GPC5: variants seen among roughly 807,000 people sequenced by gnomAD.
GPC5 encodes the protein glypican 5.
GPC5 carries 47 observed loss-of-function variants against 53.9 expected under a neutral mutation model. That is an observed-to-expected ratio of 0.87 (90% CI 0.69 to 1.11). The LOEUF is 1.11. GPC5 is among the 50% of genes most tolerant of loss of function. The pLI is 0.00. For missense variants in GPC5, 748 were observed against 713.1 expected (o/e 1.05, Z -0.56); for synonymous variants, 286 against 263.3 (o/e 1.09, Z -0.84).
intron 6 of GPC5, among the ~76,000 whole-genome samples, chr13:91,958,629 G>A (rs1307358206): frequency 6.6e-6 from 1 of 151,968 alleles, no homozygotes; most frequent in African/African-American, 2.4e-5. Flanking sequence ...GTTAGGACAT[G>A]AAAGAAATCT....
chr13:92,739,735 G>C (rs954801154), intron 7 of GPC5, among the ~76,000 whole-genome samples: 3 of 150,740 alleles, frequency 2.0e-5, no homozygotes, highest in South Asian at 2.1e-4. Context: ...AAAAGAGAGA[G>C]AGAGAGAGAC....
chr13:92,082,907 T>A (rs2041307849), intron 6 of GPC5, among the ~76,000 whole-genome samples: 1 of 152,180 alleles, frequency 6.6e-6, no homozygotes, highest in Non-Finnish European at 1.5e-5. Flanking sequence ...TACAGAGATG[T>A]GTCTACCTGG....
In GPC5 at chr13:92,258,930, T is replaced by C. The variant is rs532784298; in HGVS notation, c.1561+113941T>C. On this transcript the variant is annotated intron_variant, in intron 7 of 7. Coordinates refer to ENST00000377067, the MANE Select transcript of GPC5 (RefSeq NM_004466.6). ...TAAAGAGAGTTACTGCACTCCAGTC[T>C]GGGAGACCCTTGTCTCTAAAACAAA... 8.5e-4 allele frequency among the ~76,000 whole-genome samples: 130 copies of C among 152,298 alleles called. 2 individuals are homozygous for C. The Middle Eastern group carries it at 0.014, about 16-fold the overall frequency.
intron 5 of GPC5, among the ~76,000 whole-genome samples, chr13:91,847,282 A>G (rs1029856226): frequency 7.2e-5 from 11 of 151,940 alleles, no homozygotes; most frequent in African/African-American, 2.7e-4. Flanking sequence ...AATAATTACT[A>G]GATGTAGTGA....
chr13:92,626,391 A>G (rs1036841917), intron 7 of GPC5, among the ~76,000 whole-genome samples: 1 of 152,130 alleles, frequency 6.6e-6, no homozygotes, highest in African/African-American at 2.4e-5. Context: ...AGACGAACAC[A>G]GTCTAGAGGT....
At chr13:92,561,489 T>C (rs1882692503) in intron 7 of GPC5, among the ~76,000 whole-genome samples, 1 of 152,028 alleles carries the variant, frequency 6.6e-6, no homozygotes, top group African/African-American at 2.4e-5. Context: ...CCTGAACATG[T>C]TGTAAATATT....
At chr13:92,409,825 C>G (rs554314387) in intron 7 of GPC5, among the ~76,000 whole-genome samples, 1 of 152,246 alleles carries the variant, frequency 6.6e-6, no homozygotes, top group South Asian at 2.1e-4. Flanking sequence ...AATTATGATA[C>G]ATTTATGGTC....
chr13:92,527,101 G>T (rs1234807715), intron 7 of GPC5, among the ~76,000 whole-genome samples: 6 of 47,602 alleles, frequency 1.3e-4, no homozygotes, highest in African/African-American at 3.1e-4. Flanking sequence ...TGTAGGAAAA[G>T]AAAGAAAAAA....
chr13:92,364,949 T>C (rs1439015236), intron 7 of GPC5, among the ~76,000 whole-genome samples: 1 of 151,796 alleles, frequency 6.6e-6, no homozygotes, highest in Non-Finnish European at 1.5e-5. Context: ...AACTCTTTTG[T>C]ACACAGTTCA....
At chr13:92,031,792 TTA>T (rs2040849239) in intron 6 of GPC5, among the ~76,000 whole-genome samples, 3 of 105,708 alleles carry the variant, frequency 2.8e-5, no homozygotes, top group African/African-American at 8.2e-5. Context: ...ATATTACATA[TTA>T]TATATAATAT....
chr13:92,027,817 G>T (rs560715709), intron 6 of GPC5, among the ~76,000 whole-genome samples: 2 of 152,206 alleles, frequency 1.3e-5, no homozygotes, highest in African/African-American at 4.8e-5. Context: ...GGAGTAGGTG[G>T]CAGATCCAAC....
intron 7 of GPC5, among the ~76,000 whole-genome samples, chr13:92,317,291 G>C (rs1194025676): frequency 2.6e-5 from 4 of 152,012 alleles, no homozygotes; most frequent in Admixed American, 2.6e-4. Flanking sequence ...GAGGGTGTTT[G>C]TCATCAGTCT....
chr13:91,928,786 A>G (rs1228021084), intron 6 of GPC5, among the ~76,000 whole-genome samples: 2 of 152,160 alleles, frequency 1.3e-5, no homozygotes, highest in Non-Finnish European at 2.9e-5. Context: ...TCAAAAATCA[A>G]TTTTAAAATA....
intron 3 of GPC5, among the ~76,000 whole-genome samples, chr13:91,703,820 C>T (rs1298010935): frequency 6.6e-6 from 1 of 152,122 alleles, no homozygotes; most frequent in Non-Finnish European, 1.5e-5. Context: ...CATTCAATTT[C>T]CTTAATCCTT....
chr13:91,497,825 A>G (rs1566451504), intron 2 of GPC5, among the ~76,000 whole-genome samples: 1 of 152,226 alleles, frequency 6.6e-6, no homozygotes. Context: ...TCGTGGGTAC[A>G]TAGTAGGTGA....
chr13:91,730,153 C>T (rs1424920168), intron 4 of GPC5, among the ~76,000 whole-genome samples: 2 of 152,198 alleles, frequency 1.3e-5, no homozygotes, highest in Non-Finnish European at 2.9e-5. Flanking sequence ...TCCACTTATG[C>T]ATTTCAATTT....
At chr13:92,336,888 G>T (rs1231977207) in intron 7 of GPC5, among the ~76,000 whole-genome samples, 1 of 152,114 alleles carries the variant, frequency 6.6e-6, no homozygotes, top group African/African-American at 2.4e-5. Flanking sequence ...CTGGTCTTGA[G>T]CTCCTGGCCT....
chr13:91,683,683 A>G (rs2035558670), intron 2 of GPC5, among the ~76,000 whole-genome samples: 1 of 152,132 alleles, frequency 6.6e-6, no homozygotes, highest in Non-Finnish European at 1.5e-5. Context: ...TTTATCCAAT[A>G]TTTTAGTCTC....
At chr13:92,407,459 A>G (rs914042997) in intron 7 of GPC5, among the ~76,000 whole-genome samples, 1 of 148,248 alleles carries the variant, frequency 6.7e-6, no homozygotes, top group Admixed American at 6.8e-5. Context: ...TAAATTAAAG[A>G]GACCATTATT....
Sources: gnomAD v4.1 joint callset for allele counts (sites outside exome capture counted in the v4.1 genomes callset) on GRCh38, gnomAD v4.1.1 for gene constraint, MANE v1.5 for transcripts, NCBI Gene and HGNC (gene_info 2026-07-23, HGNC 2026-07-21) for gene names.